The following CNTNAP2 variants were observed in gnomAD, a reference collection of about 807,000 sequenced individuals.
The protein encoded by CNTNAP2 is contactin-associated protein-like 2.
In CNTNAP2, 98 loss-of-function variants were observed where a neutral mutation model predicts 155.2. The observed-to-expected ratio is 0.63, with a 90% CI of 0.54 to 0.75. The LOEUF is 0.75. Ranked by LOEUF, CNTNAP2 falls within the 30% of genes least tolerant of loss-of-function variation. CNTNAP2 has a pLI of 0.00. For synonymous variants in CNTNAP2, 651 were observed against 631.2 expected (o/e 1.03, Z -0.47); for missense variants, 1,727 against 1,688.1 (o/e 1.02, Z -0.40).
intron 13 of CNTNAP2, among the ~76,000 whole-genome samples, chr7:147,830,583 TGCTTTAACTTTGGAGCAAAA>T (rs1798531487): frequency 6.6e-6 from 1 of 152,218 alleles, no homozygotes; most frequent in African/African-American, 2.4e-5. Context: ...GTATTCGCCC[TGCTTTAACTTTGGAGCAAAA>T]GCAGGAAATA....
intron 1 of CNTNAP2, among the ~76,000 whole-genome samples, chr7:146,326,106 G>A (rs1281723140): frequency 6.6e-6 from 1 of 152,080 alleles, no homozygotes; most frequent in South Asian, 2.1e-4. Flanking sequence ...GCTCAGACAT[G>A]GTAGATCTAA....
At chr7:147,414,707 C>T (rs1391815492) in intron 10 of CNTNAP2, among the ~76,000 whole-genome samples, 6 of 151,692 alleles carry the variant, frequency 4.0e-5, no homozygotes, top group Non-Finnish European at 8.8e-5. Flanking sequence ...TTTGGGAGGC[C>T]AAGGTGGGCG....
intron 15 of CNTNAP2, among the ~76,000 whole-genome samples, chr7:148,042,439 G>C (rs1802695792): frequency 6.6e-6 from 1 of 152,158 alleles, no homozygotes; most frequent in Non-Finnish European, 1.5e-5. Context: ...CTGGTTCTAA[G>C]CGTGTTAGCA....
intron 1 of CNTNAP2, among the ~76,000 whole-genome samples, chr7:146,247,562 G>A (rs1358743616): frequency 6.6e-6 from 1 of 152,144 alleles, no homozygotes; most frequent in Non-Finnish European, 1.5e-5. Context: ...AGAGACTAGA[G>A]ATGCACTGAC....
In CNTNAP2 at chr7:147,525,239, A is replaced by G. The variant is rs1160811073; in HGVS notation, c.1778-36899A>G. Among the ~76,000 whole-genome samples the G allele has an allele frequency of 2.0e-5, 3 of 152,254 alleles. 1 individual carries two copies. The highest frequency in any genetic ancestry group is 4.1e-4 in the South Asian group (2 of 4,836). On this transcript the variant is annotated intron_variant, in intron 11 of 23. Transcript: ENST00000361727. The stretch of plus-strand genomic sequence containing the variant: ...ATAATATTGTTGATGTCAAAGAAAC[A>G]CAGAGCATATGCTGTCTTAGGAATT...
At chr7:148,042,718 C>A (rs1050365157) in intron 15 of CNTNAP2, among the ~76,000 whole-genome samples, 1 of 152,190 alleles carries the variant, frequency 6.6e-6, no homozygotes, top group African/African-American at 2.4e-5. Context: ...TTCTCTTATT[C>A]CAGGCTGTTC....
intron 13 of CNTNAP2, among the ~76,000 whole-genome samples, chr7:147,875,834 A>T (rs1799412358): frequency 6.6e-6 from 1 of 152,234 alleles, no homozygotes; most frequent in African/African-American, 2.4e-5. Context: ...TGTTTTCAGC[A>T]TCAGATTACT....
chr7:147,784,494 AATATAT>A lies in CNTNAP2; in HGVS notation c.2099-119020_2099-119015del, dbSNP rs10528525. 7.4e-3 allele frequency among the ~76,000 whole-genome samples: 330 copies of A among 44,770 alleles called. 2 individuals carry two copies. The highest frequency in any genetic ancestry group is 0.014 in the Non-Finnish European group (207 of 14,696). 29.4% of individuals were successfully genotyped at this position (44,770 alleles called of 152,430 possible). On this transcript the variant is annotated intron_variant, in intron 13 of 23. Coordinates refer to ENST00000361727, the MANE Select transcript of CNTNAP2 (RefSeq NM_014141.6). ...CTCTTAATATTCTGGGCTCTGGACT[AATATAT>A]ATATATATATATATATATATATATA...
At chr7:147,804,979 C>T (rs1278500913) in intron 13 of CNTNAP2, among the ~76,000 whole-genome samples, 1 of 152,220 alleles carries the variant, frequency 6.6e-6, no homozygotes, top group Non-Finnish European at 1.5e-5. Context: ...ATCCAGTTAT[C>T]CTCTGAGGCA....
At chr7:148,369,643 C>CATTATTATTATTATTATT (rs10694264) in intron 21 of CNTNAP2, among the ~76,000 whole-genome samples, 4 of 143,460 alleles carry the variant, frequency 2.8e-5, no homozygotes, top group Non-Finnish European at 3.0e-5. Flanking sequence ...TGTTCTTTAT[C>CATTATTATTATTATTATT]ATTATTATTA....
intron 3 of CNTNAP2, among the ~76,000 whole-genome samples, chr7:146,880,733 A>G (rs570620919): frequency 3.3e-5 from 5 of 152,258 alleles, no homozygotes; most frequent in Admixed American, 2.6e-4. Flanking sequence ...CCATTTATAT[A>G]TTAGTAGAAG....
chr7:147,257,452 C>T (rs973461709), intron 8 of CNTNAP2, among the ~76,000 whole-genome samples: 10 of 152,144 alleles, frequency 6.6e-5, no homozygotes, highest in Admixed American at 1.3e-4. Context: ...TGCAAGGAGA[C>T]GAAATGCACA....
intron 13 of CNTNAP2, among the ~76,000 whole-genome samples, chr7:147,859,758 T>C (rs1392724849): frequency 4.6e-5 from 7 of 152,140 alleles, no homozygotes; most frequent in African/African-American, 1.7e-4. Context: ...AAAGTAACTT[T>C]GAATAAAATT....
chr7:147,126,206 G>A (rs191925641), intron 6 of CNTNAP2, among the ~76,000 whole-genome samples: 1 of 152,260 alleles, frequency 6.6e-6, no homozygotes, highest in African/African-American at 2.4e-5. Context: ...CCTAATGAGG[G>A]TAGGAAGAAA....
At chr7:147,094,183 C>T (rs560507207) in intron 4 of CNTNAP2, among the ~76,000 whole-genome samples, 2 of 152,268 alleles carry the variant, frequency 1.3e-5, no homozygotes, top group East Asian at 3.9e-4. Context: ...TTCCTGAGTT[C>T]TGCAACTTCC....
At chr7:147,833,382 A>G (rs1206912764) in intron 13 of CNTNAP2, among the ~76,000 whole-genome samples, 1 of 152,184 alleles carries the variant, frequency 6.6e-6, no homozygotes, top group Non-Finnish European at 1.5e-5. Context: ...GCTGTGATAG[A>G]TAATTTCCGA....
chr7:146,409,525 A>T (rs1250951323), intron 1 of CNTNAP2, among the ~76,000 whole-genome samples: 1 of 152,196 alleles, frequency 6.6e-6, no homozygotes, highest in African/African-American at 2.4e-5. Flanking sequence ...GAATTTTTGA[A>T]CATCTTGTCC....
intron 8 of CNTNAP2, among the ~76,000 whole-genome samples, chr7:147,231,174 A>G (rs1174520432): frequency 6.6e-6 from 1 of 152,220 alleles, no homozygotes; most frequent in Non-Finnish European, 1.5e-5. Context: ...TCCAACTACA[A>G]TTCAAGATGA....
In CNTNAP2 at chr7:146,524,183, TA is replaced by T. The variant is rs1468530266; in HGVS notation, c.98-250085del. ...ATGTCGATGGCCCATATGAGGCCCATAAAGAAAATTCAGAGCTCTTAAAAAG... is the reference window on the plus strand; with the variant it reads ...ATGTCGATGGCCCATATGAGGCCCATAAGAAAATTCAGAGCTCTTAAAAAG... On this transcript the variant is annotated intron_variant, in intron 1 of 23. Transcript: ENST00000361727. Among the ~76,000 whole-genome samples the T allele has an allele frequency of 2.0e-5, 3 of 152,226 alleles. No homozygotes were observed. The East Asian group carries it at 5.8e-4, about 29-fold the overall frequency.
Sources: allele counts gnomAD v4.1 joint callset (sites outside exome capture counted in the v4.1 genomes callset), GRCh38; gene constraint gnomAD v4.1.1; transcripts MANE v1.5; gene names NCBI Gene and HGNC (gene_info 2026-07-23, HGNC 2026-07-21).